Variants in SND1 observed in about 807,000 individuals in gnomAD.
SND1 encodes the protein staphylococcal nuclease and tudor domain containing 1, also known as staphylococcal nuclease domain-containing protein 1.
In SND1, 38 loss-of-function variants were observed where a neutral mutation model predicts 121.7. That is an observed-to-expected ratio of 0.31 (90% CI 0.24 to 0.41). The LOEUF (loss-of-function observed/expected upper bound fraction) is 0.41. Among genes scored for constraint, SND1 ranks in the 10% least tolerant of loss-of-function variants. The probability of loss-of-function intolerance (pLI) is 1.00; values close to 1 mark genes in which losing one functional copy is unlikely to be tolerated. For missense variants in SND1, 868 were observed against 1,184.6 expected (o/e 0.73, Z 3.92); for synonymous variants, 401 against 447.4 (o/e 0.90, Z 1.31).
At chr7:127,841,945 A>G (rs1798973415) in intron 11 of SND1, among the ~76,000 whole-genome samples, 1 of 152,092 alleles carries the variant, frequency 6.6e-6, no homozygotes, top group Non-Finnish European at 1.5e-5. Context: ...AGAATGATTT[A>G]CCTTAACCTC....
intron 16 of SND1, among the ~76,000 whole-genome samples, chr7:128,042,789 C>T (rs984443540): frequency 1.3e-5 from 2 of 152,212 alleles, no homozygotes; most frequent in African/African-American, 2.4e-5. Context: ...TGATGGGAGA[C>T]CAGGCCTGTC....
intron 10 of SND1, among the ~76,000 whole-genome samples, chr7:127,779,444 C>T (rs935004841): frequency 6.6e-6 from 1 of 152,230 alleles, no homozygotes; most frequent in African/African-American, 2.4e-5. Flanking sequence ...CTGCCACTCT[C>T]CTTATTCTCA....
chr7:127,979,638 G>A (rs1448178911), intron 15 of SND1, among the ~76,000 whole-genome samples: 1 of 152,184 alleles, frequency 6.6e-6, no homozygotes, highest in Non-Finnish European at 1.5e-5. Flanking sequence ...GAGACATAAA[G>A]AACGAGGAAG....
chr7:127,891,120 T>C (rs1800002483), intron 13 of SND1, among the ~76,000 whole-genome samples: 1 of 152,036 alleles, frequency 6.6e-6, no homozygotes, highest in South Asian at 2.1e-4. Context: ...CCCAGGAAAG[T>C]GAAGTCAGAT....
chr7:128,011,003 T>G (rs1431447926), intron 16 of SND1, among the ~76,000 whole-genome samples: 1 of 152,124 alleles, frequency 6.6e-6, no homozygotes, highest in Non-Finnish European at 1.5e-5. Flanking sequence ...GCAGGACGTT[T>G]TGTTTAGTTA....
At chr7:127,670,486 G>C (rs886798342) in intron 1 of SND1, among the ~76,000 whole-genome samples, 1 of 152,030 alleles carries the variant, frequency 6.6e-6, no homozygotes, top group Non-Finnish European at 1.5e-5. Flanking sequence ...AAGAGTGAAC[G>C]GTTTGCGGCC....
chr7:127,886,105 G>A (rs201500501), intron 12 of SND1, among the ~76,000 whole-genome samples: 1 of 152,128 alleles, frequency 6.6e-6, no homozygotes, highest in East Asian at 1.9e-4. Context: ...CGCTTATGTG[G>A]TGACTCAGGA....
chr7:127,991,579 C>G (rs1802525508), intron 16 of SND1, among the ~76,000 whole-genome samples: 1 of 152,158 alleles, frequency 6.6e-6, no homozygotes, highest in South Asian at 2.1e-4. Context: ...TTTGCTCAAG[C>G]CTTCATCAAC....
chr7:127,919,388 G>A (rs1800652484), intron 14 of SND1, among the ~76,000 whole-genome samples: 1 of 152,056 alleles, frequency 6.6e-6, no homozygotes, highest in Admixed American at 6.6e-5. Flanking sequence ...CTCATCAGAT[G>A]TCTTTTAAAT....
At chr7:128,001,406 C>CCT (rs1438934030) in intron 16 of SND1, among the ~76,000 whole-genome samples, 1 of 152,226 alleles carries the variant, frequency 6.6e-6, no homozygotes, top group African/African-American at 2.4e-5. Context: ...CATCCCTTAG[C>CCT]CTCTCTAAAC....
At chr7:127,904,687 C>T in intron 13 of SND1, 60 bp from the exon 14 acceptor site, 1 of 1,179,842 alleles carries the variant, frequency 8.5e-7, no homozygotes, top group Non-Finnish European at 1.3e-6. Flanking sequence ...TTTTTGCACC[C>T]TCCTACCCCT....
chr7:128,084,617 C>A, intron 18 of SND1, 107 bp from the exon 19 acceptor site: 2 of 1,273,358 alleles, frequency 1.6e-6, no homozygotes, highest in Non-Finnish European at 2.1e-6. Flanking sequence ...TGCAGTGCCC[C>A]CCAGAATTTT....
Position 127,857,968 on chromosome 7 carries a change from T to C in SND1, c.1343+13544T>C, listed in dbSNP as rs1799312738. On this transcript the variant is annotated intron_variant, in intron 12 of 23. Coordinates refer to ENST00000354725, the MANE Select transcript of SND1 (RefSeq NM_014390.4). ...TTCGCTCACCCAGGTCTGCATCTGG[T>C]CGCTGGTGAAGGGCCCATGCAGCTC... is the stretch of plus-strand genomic sequence containing the variant. 2.1e-6 allele frequency: 3 copies of C among 1,406,100 alleles called. 1 individual carries two copies. In the South Asian group the frequency reaches 3.4e-5, roughly 16 times the overall value. 87.1% of individuals were successfully genotyped at this position (1,406,100 alleles called of 1,614,324 possible).
chr7:127,771,833 C>T (rs1444272033), intron 10 of SND1, among the ~76,000 whole-genome samples: 1 of 151,946 alleles, frequency 6.6e-6, no homozygotes, highest in East Asian at 1.9e-4. Context: ...TGGTTTTAAC[C>T]CCCAACTCTC....
chr7:127,843,185 A>T (rs1584612146), intron 11 of SND1, among the ~76,000 whole-genome samples: 1 of 152,150 alleles, frequency 6.6e-6, no homozygotes, highest in East Asian at 1.9e-4. Context: ...CCCCCTACAC[A>T]CAATCTTCCA....
chr7:127,750,114 A>C (rs1797059429), intron 10 of SND1, among the ~76,000 whole-genome samples: 1 of 152,202 alleles, frequency 6.6e-6, no homozygotes, highest in Admixed American at 6.5e-5. Flanking sequence ...ACAAAATCAA[A>C]CAAACAAAAA....
intron 12 of SND1, among the ~76,000 whole-genome samples, chr7:127,860,112 C>T (rs961889117): frequency 6.6e-6 from 1 of 152,196 alleles, no homozygotes; most frequent in Non-Finnish European, 1.5e-5. Flanking sequence ...GTCAGTTAAC[C>T]TCTTTTCCTA....
intron 15 of SND1, among the ~76,000 whole-genome samples, chr7:127,949,988 G>T (rs1227854940): frequency 6.6e-6 from 1 of 152,204 alleles, no homozygotes; most frequent in African/African-American, 2.4e-5. Context: ...TGCTGGGACA[G>T]AACTTCTTGA....
chr7:127,671,729 T>C (rs1434692200), intron 1 of SND1, among the ~76,000 whole-genome samples: 3 of 152,232 alleles, frequency 2.0e-5, no homozygotes, highest in Non-Finnish European at 2.9e-5. Flanking sequence ...TTTGATTCTT[T>C]AACTTTGAAC....
Sources: allele counts gnomAD v4.1 joint callset (sites outside exome capture counted in the v4.1 genomes callset), GRCh38; gene constraint gnomAD v4.1.1; transcripts MANE v1.5; gene names NCBI Gene and HGNC (gene_info 2026-07-23, HGNC 2026-07-21).